PLXDC2: variants seen among roughly 807,000 people sequenced by gnomAD.
PLXDC2 encodes the protein plexin domain-containing protein 2.
PLXDC2 carries 40 observed loss-of-function variants against 68.9 expected under a neutral mutation model. That is an observed-to-expected ratio of 0.58 (90% CI 0.45 to 0.76). PLXDC2 has a LOEUF of 0.76. Ranked by LOEUF, PLXDC2 falls within the 30% of genes least tolerant of loss-of-function variation. The pLI is 0.00. For synonymous variants in PLXDC2, 243 were observed against 234.2 expected, an observed-to-expected ratio of 1.04 and a Z score of -0.34; for missense variants, 644 against 661.9, an observed-to-expected ratio of 0.97 and a Z score of 0.30.
At chr10:20,015,311 A>G (rs1302372230) in intron 2 of PLXDC2, among the ~76,000 whole-genome samples, 5 of 152,106 alleles carry the variant, frequency 3.3e-5, no homozygotes, top group African/African-American at 1.2e-4. Context: ...TTTTTTTTCC[A>G]AAGTCTCTAA....
At position 20,177,316 on chromosome 10, in the gene PLXDC2, C is replaced by T; in HGVS notation, c.980-12C>T. 3 of 1,583,776 alleles carry T rather than the reference C, an allele frequency of 1.9e-6. No individual in the cohort carries two copies. On this transcript the variant is annotated splice_polypyrimidine_tract_variant and intron_variant, in intron 8 of 13. Coordinates refer to ENST00000377252, the MANE Select transcript of PLXDC2 (RefSeq NM_032812.9). Reference sequence around the variant, plus strand: ...GTTAGTCTTGGTGAATCTGTTCTTTCCTCTTCCCTAGCATGCCTCCAGTTT... The same window carrying T: ...GTTAGTCTTGGTGAATCTGTTCTTTTCTCTTCCCTAGCATGCCTCCAGTTT...
Position 20,082,064 on chromosome 10 carries a change from C to CA in PLXDC2, c.541+13837dup, listed in dbSNP as rs1252447303. ...CCATCTGAAAAAAAAAAAAAAAAAT[C>CA]AAAAAAAAAAAACAGGAGAAGTCTG... On this transcript the variant is annotated intron_variant, in intron 4 of 13. Transcript: ENST00000377252. Among the ~76,000 whole-genome samples the CA allele has an allele frequency of 3.1e-3, 215 of 70,138 alleles. 17 individuals carry two copies. Among genetic ancestry groups the CA allele is most frequent in the African/African-American group, 7.2e-3 (125 of 17,482 alleles). The allele number at this position is 70,138 out of a possible 152,430, so 46.0% of individuals were successfully genotyped here. A position where few individuals can be genotyped will look rare whatever the true frequency, so the allele number is the denominator to read the frequency against.
At chr10:20,062,366 G>A (rs1020398051) in intron 3 of PLXDC2, among the ~76,000 whole-genome samples, 3 of 152,172 alleles carry the variant, frequency 2.0e-5, no homozygotes, top group African/African-American at 7.2e-5. Flanking sequence ...AGATGTTGCA[G>A]TGAGCCAAGA....
chr10:19,834,450 G>A (rs1036903946), intron 1 of PLXDC2, among the ~76,000 whole-genome samples: 1 of 152,136 alleles, frequency 6.6e-6, no homozygotes, highest in African/African-American at 2.4e-5. Flanking sequence ...AACTGCTCAA[G>A]AAAGAGGTTG....
At chr10:20,224,536 A>C (rs1835261225) in intron 12 of PLXDC2, among the ~76,000 whole-genome samples, 1 of 152,216 alleles carries the variant, frequency 6.6e-6, no homozygotes, top group Non-Finnish European at 1.5e-5. Context: ...AGATGTCTTC[A>C]AAATGCAAAC....
chr10:20,256,666 C>CA (rs1835746178), intron 13 of PLXDC2, among the ~76,000 whole-genome samples: 1 of 146,190 alleles, frequency 6.8e-6, no homozygotes, highest in Non-Finnish European at 1.5e-5. Flanking sequence ...ATGTTATTTC[C>CA]TTTTTTTTTT....
At chr10:20,275,483 A>G (rs184125944) in intron 13 of PLXDC2, among the ~76,000 whole-genome samples, 41 of 152,338 alleles carry the variant, frequency 2.7e-4, no homozygotes, top group Admixed American at 9.8e-4. Context: ...CATAAACTCC[A>G]TGAGGGCTCG....
chr10:19,905,187 CT>C (rs1833133793), intron 1 of PLXDC2, among the ~76,000 whole-genome samples: 1 of 152,156 alleles, frequency 6.6e-6, no homozygotes, highest in Non-Finnish European at 1.5e-5. Flanking sequence ...GCACAGTTTA[CT>C]TTTCTCTTTG....
At chr10:19,962,001 T>C (rs1275488072) in intron 1 of PLXDC2, among the ~76,000 whole-genome samples, 1 of 152,228 alleles carries the variant, frequency 6.6e-6, no homozygotes, top group Non-Finnish European at 1.5e-5. Context: ...AAGAAAATGA[T>C]ACTGAATGTA....
rs530899013 is a variant in PLXDC2 at position 20,260,683 on chromosome 10, T to C, written c.1473+15178T>C. Among the ~76,000 whole-genome samples, 4 of 152,324 alleles carry C rather than the reference T, an allele frequency of 2.6e-5. No individual in the cohort carries two copies. The East Asian group carries it at 5.8e-4, about 22-fold the overall frequency. ...GGAATGAAAATACCTCTATGTGGTG[T>C]TGACTTCATTTTCTATGAATATATA... On this transcript the variant is annotated intron_variant, in intron 13 of 13. Transcript: ENST00000377252.
intron 9 of PLXDC2, among the ~76,000 whole-genome samples, chr10:20,182,547 C>A (rs1011468932): frequency 1.3e-5 from 2 of 151,834 alleles, no homozygotes; most frequent in African/African-American, 4.8e-5. Context: ...GATGAATAAA[C>A]CCACTATGAA....
At chr10:20,049,987 A>G (rs533552939) in intron 3 of PLXDC2, among the ~76,000 whole-genome samples, 1 of 152,336 alleles carries the variant, frequency 6.6e-6, no homozygotes, top group East Asian at 1.9e-4. Flanking sequence ...TAACCAAAAC[A>G]GCATGTTACT....
At chr10:20,137,351 G>C (rs910018595) in intron 4 of PLXDC2, among the ~76,000 whole-genome samples, 1 of 152,110 alleles carries the variant, frequency 6.6e-6, no homozygotes, top group African/African-American at 2.4e-5. Flanking sequence ...AGGTAACTGA[G>C]GTACACAGAG....
intron 4 of PLXDC2, among the ~76,000 whole-genome samples, chr10:20,129,925 T>G (rs539987511): frequency 3.2e-4 from 48 of 152,236 alleles, no homozygotes; most frequent in Non-Finnish European, 5.3e-4. Flanking sequence ...TTGTAGTAGA[T>G]TTTGAAATCA....
chr10:20,104,550 A>G (rs926615752), intron 4 of PLXDC2, among the ~76,000 whole-genome samples: 2 of 152,208 alleles, frequency 1.3e-5, no homozygotes, highest in Admixed American at 1.3e-4. Context: ...TAATGAAAGT[A>G]GCAACTCTTT....
intron 2 of PLXDC2, among the ~76,000 whole-genome samples, chr10:20,011,510 T>C (rs986549070): frequency 7.9e-5 from 12 of 152,316 alleles, no homozygotes; most frequent in African/African-American, 2.9e-4. Context: ...CAAGGAATAT[T>C]GAATTCAGCT....
In PLXDC2 at chr10:20,289,244, A is replaced by G. The variant is rs1836199148; in HGVS notation, c.*9425A>G. On this transcript the variant is annotated 3_prime_UTR_variant, in exon 14 of 14. Coordinates refer to ENST00000377252, the MANE Select transcript of PLXDC2 (RefSeq NM_032812.9). Reference sequence around the variant, plus strand: ...ATACTAGCTAGAGGGAGCTGTAGAAAACAAAGATTTCAGGATTGCACAGTG... The same window carrying G: ...ATACTAGCTAGAGGGAGCTGTAGAAGACAAAGATTTCAGGATTGCACAGTG... 1 of 152,140 alleles carries G rather than the reference A, an allele frequency of 6.6e-6. No homozygotes were observed. Among genetic ancestry groups the G allele is most frequent in the Admixed American group, 6.5e-5 (1 of 15,278 alleles). 9.4% of individuals were successfully genotyped at this position (152,140 alleles called of 1,614,324 possible). A position where few individuals can be genotyped will look rare whatever the true frequency, so the allele number is the denominator to read the frequency against.
chr10:20,230,693 C>CAAAAAAA (rs1191613913), intron 12 of PLXDC2, among the ~76,000 whole-genome samples: 2,615 of 37,720 alleles, frequency 0.069, 534 homozygotes, highest in African/African-American at 0.11. Context: ...GACCTTGTCT[C>CAAAAAAA]AAAAAAAAAA....
At chr10:19,844,454 C>T (rs990575238) in intron 1 of PLXDC2, among the ~76,000 whole-genome samples, 6 of 152,090 alleles carry the variant, frequency 3.9e-5, no homozygotes, top group South Asian at 2.1e-4. Context: ...TTACAAACCA[C>T]CGGACACTCA....
Sources: allele counts gnomAD v4.1 joint callset (sites outside exome capture counted in the v4.1 genomes callset), GRCh38; gene constraint gnomAD v4.1.1; transcripts MANE v1.5; gene names NCBI Gene and HGNC (gene_info 2026-07-23, HGNC 2026-07-21).